The following PMS2 variants were observed in gnomAD, a reference collection of about 807,000 sequenced individuals.
PMS2 encodes mismatch repair endonuclease PMS2.
PMS2 carries 69 observed loss-of-function variants against 90.0 expected under a neutral mutation model. That is an observed-to-expected ratio of 0.77 (90% confidence interval 0.63 to 0.94). The LOEUF (loss-of-function observed/expected upper bound fraction) is 0.94. Ranked by LOEUF, PMS2 falls within the 40% of genes least tolerant of loss-of-function variation. The pLI is 0.00. For missense variants in PMS2, 966 were observed against 1,040.2 expected (o/e 0.93, Z 0.98); for synonymous variants, 332 against 375.1 (o/e 0.89, Z 1.33).
At chr7:5,994,241 C>T (rs1387507562) in intron 8 of PMS2, among the ~76,000 whole-genome samples, 5 of 151,466 alleles carry the variant, frequency 3.3e-5, no homozygotes, top group Non-Finnish European at 5.9e-5. Flanking sequence ...CTTAGCCGGG[C>T]GTGGTGGCGC....
intron 5 of PMS2, among the ~76,000 whole-genome samples, chr7:6,001,070 T>C (rs1785036227): frequency 1.3e-5 from 2 of 152,184 alleles, no homozygotes; most frequent in African/African-American, 4.8e-5. Context: ...TTTAAGTAAC[T>C]TTTTAGATTA....
At position 5,982,889 on chromosome 7, in the gene PMS2, C is replaced by A. The variant is rs775355718; in HGVS notation, c.2109G>T (p.Thr703=). 1 of 1,603,498 alleles carries A rather than the reference C, an allele frequency of 6.2e-7. No individual in the cohort carries two copies. The highest frequency in any genetic ancestry group is 8.5e-7 in the Non-Finnish European group (1 of 1,174,426). Residue 703 remains threonine (T), a synonymous_variant, in exon 12 of 15, where the codon ACG becomes ACT. Coordinates refer to ENST00000265849, the MANE Select transcript of PMS2 (RefSeq NM_000535.7). ...EDIFIVDQHA[T]DEKYNFEMLQ... ...GCATCTCGAAGTTATACTTCTCGTC[C>A]GTGGCATGCTGGTCCACTATGAAGA...
In PMS2 at chr7:5,977,723, C is replaced by G. The variant is rs1583281360; in HGVS notation, c.2310G>C (p.Leu770Phe). ...PVTERAKLISLPTSKNWTFGP... is the reference protein window; with the variant it reads ...PVTERAKLISFPTSKNWTFGP... Reference sequence around the variant, plus strand: ...CGAAGGTCCAGTTTTTACTAGTTGGCAAGGAAATCAGTTTAGCCCTTTCAG... The same window carrying G: ...CGAAGGTCCAGTTTTTACTAGTTGGGAAGGAAATCAGTTTAGCCCTTTCAG... Residue 770 changes from leucine (L) to phenylalanine (F), a missense_variant, in exon 14 of 15, where the codon TTG (leucine) becomes TTC (phenylalanine). This residue lies in a region of PMS2 where 95 missense variants were observed against 237.8 expected (regional missense o/e 0.40). Coordinates refer to ENST00000265849, the MANE Select transcript of PMS2 (RefSeq NM_000535.7). 1 of 1,606,454 alleles carries G rather than the reference C, an allele frequency of 6.2e-7. No homozygotes were observed. Among genetic ancestry groups the G allele is most frequent in the Non-Finnish European group, 8.5e-7 (1 of 1,174,896 alleles).
intron 13 of PMS2, among the ~76,000 whole-genome samples, chr7:5,978,052 G>A (rs1256636454): frequency 1.3e-5 from 2 of 149,854 alleles, no homozygotes; most frequent in Non-Finnish European, 3.0e-5. Flanking sequence ...CCTGGGAGGC[G>A]GAGCTTGCAG....
intron 10 of PMS2, among the ~76,000 whole-genome samples, chr7:5,988,052 CAAAAAAAA>C (rs10543125): frequency 1.7e-4 from 7 of 41,124 alleles, no homozygotes; most frequent in African/African-American, 6.9e-4. Context: ...CACTCTGTCT[CAAAAAAAA>C]AAAAAAAAAA....
At chr7:5,997,270 A>G in intron 7 of PMS2, 56 bp downstream of exon 7, 1 of 880,326 alleles carries the variant, frequency 1.1e-6, no homozygotes. Flanking sequence ...TCTTTAAAAA[A>G]AAAGCTCTCA....
intron 12 of PMS2, among the ~76,000 whole-genome samples, chr7:5,978,932 C>T (rs530742810): frequency 6.0e-5 from 9 of 149,200 alleles, no homozygotes; most frequent in African/African-American, 2.0e-4. Flanking sequence ...CGGTGGCTCA[C>T]GCCTGTAATC....
Position 5,998,988 on chromosome 7 carries a change from TC to T in PMS2, c.705+119del, listed in dbSNP as rs557882046. On this transcript the variant is annotated intron_variant, in intron 6 of 14. Transcript: ENST00000265849. ...CTGGGCAGCAGTGCGAGACTCCCTC[TC>T]AAAAAAAAAAAAAAAATCAATTCTA... The T allele has an allele frequency of 2.0e-3, 1,813 of 922,242 alleles. 13 individuals are homozygous for T. The African/African-American group carries it at 0.044, about 22-fold the overall frequency. 57.1% of individuals were successfully genotyped at this position (922,242 alleles called of 1,614,324 possible).
chr7:5,981,742 A>T (rs1782302937), intron 12 of PMS2, among the ~76,000 whole-genome samples: 1 of 151,790 alleles, frequency 6.6e-6, no homozygotes, highest in Non-Finnish European at 1.5e-5. Flanking sequence ...TACTTAGAGA[A>T]CATGTTAACC....
chr7:5,975,979 G>A (rs529278256), intron 14 of PMS2, among the ~76,000 whole-genome samples: 2 of 140,768 alleles, frequency 1.4e-5, no homozygotes, highest in African/African-American at 2.5e-5. Flanking sequence ...GGTGGCTCAC[G>A]CCTGTAATCC....
At chr7:5,981,839 C>G (rs2345063) in intron 12 of PMS2, among the ~76,000 whole-genome samples, 114 of 151,392 alleles carry the variant, frequency 7.5e-4, no homozygotes, top group Admixed American at 1.4e-3. Context: ...GTAACAACCC[C>G]ATAGGTTTTT....
At position 6,004,045 on chromosome 7, in the gene PMS2, CT is replaced by C. The variant is rs1785429311; in HGVS notation, c.176del (p.Lys59ArgfsTer17). 6.3e-7 allele frequency: 1 copy of C among 1,584,046 alleles called. No homozygotes were observed. Among genetic ancestry groups the C allele is most frequent in the South Asian group, 1.1e-5 (1 of 90,190 alleles). ...AGATNIDLKL[K>X]DYGVDLIEVS... Reference sequence around the variant, plus strand: ...CTTCAATAAGATCCACTCCATAGTCCTTAAGCTTTAGATCTAGAAAGTTTAA... The same window carrying C: ...CTTCAATAAGATCCACTCCATAGTCCTAAGCTTTAGATCTAGAAAGTTTAA... On this transcript the variant is annotated frameshift_variant, in exon 3 of 15. Transcript: ENST00000265849. LOFTEE classifies it high-confidence loss of function.
chr7:5,993,588 C>T (rs564149373), intron 8 of PMS2, among the ~76,000 whole-genome samples: 8 of 149,698 alleles, frequency 5.3e-5, no homozygotes, highest in East Asian at 4.0e-4. Flanking sequence ...ATGGGCCGGG[C>T]GCGGTGGCTC....
rs587780048 is a variant in PMS2 at position 6,009,000 on chromosome 7, G to A, written c.20C>T (p.Ser7Leu). 6.2e-7 allele frequency: 1 copy of A among 1,612,632 alleles called. No homozygotes were observed. ...GAAGACTGCGAGCCCCGCTCACCTCGAGCTCTCAGCTCGCTCCATGGATGC... is the reference window on the plus strand; with the variant it reads ...GAAGACTGCGAGCCCCGCTCACCTCAAGCTCTCAGCTCGCTCCATGGATGC... MERAES[S>L]STEPAKAIKP... is the part of the protein sequence containing the mutation. The change falls in exon 1 of 15, where the codon TCG becomes TTG. Residue 7 changes from serine to leucine, a missense_variant. Around this residue, in one of 2 missense-constraint regions of PMS2, gnomAD observed 871 missense variants for 802.4 expected, o/e 1.09. Coordinates refer to ENST00000265849, the MANE Select transcript of PMS2 (RefSeq NM_000535.7).
intron 4 of PMS2, among the ~76,000 whole-genome samples, chr7:6,002,889 T>A (rs1038561389): frequency 2.6e-5 from 4 of 152,236 alleles, no homozygotes; most frequent in African/African-American, 9.6e-5. Context: ...CAGGTTGAAC[T>A]GCAAAACCAT....
intron 7 of PMS2, among the ~76,000 whole-genome samples, chr7:5,996,469 C>A (rs947029952): frequency 1.3e-5 from 2 of 151,312 alleles, no homozygotes; most frequent in African/African-American, 2.4e-5. Context: ...GCAGGAGTAT[C>A]GCTTGAACCT....
chr7:6,003,146 T>G (rs1583405903), intron 4 of PMS2, among the ~76,000 whole-genome samples: 1 of 151,754 alleles, frequency 6.6e-6, no homozygotes, highest in Non-Finnish European at 1.5e-5. Flanking sequence ...ATACAAAAAT[T>G]AGCCAGGAGT....
intron 2 of PMS2, among the ~76,000 whole-genome samples, chr7:6,004,814 T>C (rs1456047936): frequency 6.6e-6 from 1 of 152,122 alleles, no homozygotes; most frequent in African/African-American, 2.4e-5. Flanking sequence ...TCCTATCCCC[T>C]AATTTCCTCA....
chr7:5,997,455 T>C, intron 6 of PMS2, 32 bp from the exon 7 acceptor site: 1 of 1,230,702 alleles, frequency 8.1e-7, no homozygotes, highest in Middle Eastern at 1.9e-4. Context: ...TCACAGTTAC[T>C]TCCTAATAAA....
Sources: allele counts gnomAD v4.1 joint callset (sites outside exome capture counted in the v4.1 genomes callset), GRCh38; gene constraint gnomAD v4.1.1; regional missense constraint gnomAD v4.1.1; transcripts MANE v1.5; gene names NCBI Gene and HGNC (gene_info 2026-07-23, HGNC 2026-07-21).